LINGO2: variants seen among roughly 807,000 people sequenced by gnomAD.
LINGO2 encodes leucine rich repeat and Ig domain containing 2, also known as leucine-rich repeat and immunoglobulin-like domain-containing nogo receptor-interacting protein 2.
A neutral mutation model predicts 30.6 loss-of-function variants in LINGO2; 14 were observed. The observed-to-expected ratio is 0.46, with a 90% CI of 0.30 to 0.72. The LOEUF (loss-of-function observed/expected upper bound fraction) is 0.72, where lower values mean the gene tolerates loss of function less well. LINGO2 is among the 30% of genes least tolerant of loss of function. The pLI, the probability that LINGO2 is intolerant of heterozygous loss-of-function variation, is 0.07. For synonymous variants in LINGO2, 317 were observed against 288.5 expected (o/e 1.10, Z -1.00); for missense variants, 729 against 751.7 (o/e 0.97, Z 0.35).
At chr9:28,369,379 A>G (rs1278734184) in intron 3 of LINGO2, among the ~76,000 whole-genome samples, 1 of 151,928 alleles carries the variant, frequency 6.6e-6, no homozygotes, top group East Asian at 1.9e-4. Flanking sequence ...TTGGGGAGGG[A>G]GTAGAGATAA....
intron 3 of LINGO2, among the ~76,000 whole-genome samples, chr9:28,363,281 T>C (rs867737884): frequency 1.5e-4 from 23 of 152,282 alleles, no homozygotes; most frequent in African/African-American, 5.1e-4. Flanking sequence ...CCATGACATA[T>C]ACACATTAGT....
chr9:29,057,949 A>G, the LINGO2 span, among the ~76,000 whole-genome samples: 1 of 152,098 alleles, frequency 6.6e-6, no homozygotes, highest in East Asian at 1.9e-4. Context: ...AAAGGATCAA[A>G]CTACCTTTCA....
At chr9:29,180,512 T>C in the LINGO2 span, among the ~76,000 whole-genome samples, 1,450 of 152,224 alleles carry the variant, frequency 9.5e-3, 6 homozygotes, top group Non-Finnish European at 0.013. Flanking sequence ...CAAAACACCA[T>C]ATAAATCCTA....
the LINGO2 span, among the ~76,000 whole-genome samples, chr9:28,748,969 T>C: frequency 2.2e-4 from 33 of 152,192 alleles, no homozygotes; most frequent in South Asian, 6.2e-3. Flanking sequence ...AATCATATTA[T>C]GGTTATAATT....
chr9:28,136,984 C>T (rs1827535143), intron 4 of LINGO2, among the ~76,000 whole-genome samples: 1 of 152,036 alleles, frequency 6.6e-6, no homozygotes, highest in Admixed American at 6.6e-5. Context: ...TTGGTCTTCT[C>T]CTGCCTTCAG....
chr9:29,026,817 C>CT, the LINGO2 span, among the ~76,000 whole-genome samples: 1 of 152,084 alleles, frequency 6.6e-6, no homozygotes, highest in Non-Finnish European at 1.5e-5. Flanking sequence ...CAGGTATCTA[C>CT]TTTTACCTTA....
the LINGO2 span, among the ~76,000 whole-genome samples, chr9:28,720,005 C>T: frequency 6.6e-6 from 1 of 151,994 alleles, no homozygotes; most frequent in South Asian, 2.1e-4. Flanking sequence ...CTTCTCTGAA[C>T]TACCGAAGCA....
chr9:28,136,925 G>A (rs1390705467), intron 4 of LINGO2, among the ~76,000 whole-genome samples: 1 of 152,186 alleles, frequency 6.6e-6, no homozygotes, highest in African/African-American at 2.4e-5. Context: ...AAAAGGCTGA[G>A]TAAGGGAGAA....
At chr9:28,850,787 C>T in the LINGO2 span, among the ~76,000 whole-genome samples, 929 of 151,968 alleles carry the variant, frequency 6.1e-3, 5 homozygotes, top group South Asian at 0.013. Flanking sequence ...TCTTTGTGCT[C>T]GTGTTTGAAT....
At chr9:28,104,266 G>GTTTTTTTT (rs74180789) in intron 4 of LINGO2, among the ~76,000 whole-genome samples, 3 of 97,468 alleles carry the variant, frequency 3.1e-5, no homozygotes, top group Non-Finnish European at 5.7e-5. Context: ...TTTTTTGTTT[G>GTTTTTTTT]TTTTTTTTTT....
At chr9:28,801,924 T>C in the LINGO2 span, among the ~76,000 whole-genome samples, 1 of 152,032 alleles carries the variant, frequency 6.6e-6, no homozygotes, top group Admixed American at 6.6e-5. Flanking sequence ...GAAAATATAG[T>C]GTGCCAAAAT....
At chr9:29,058,344 T>C in the LINGO2 span, among the ~76,000 whole-genome samples, 1 of 151,922 alleles carries the variant, frequency 6.6e-6, no homozygotes, top group Non-Finnish European at 1.5e-5. Flanking sequence ...AATTAAGTGC[T>C]GAGGAAGAAA....
At chr9:28,242,562 C>T (rs1023506760) in intron 4 of LINGO2, among the ~76,000 whole-genome samples, 5 of 152,078 alleles carry the variant, frequency 3.3e-5, no homozygotes, top group African/African-American at 1.2e-4. Context: ...AGGATATTAT[C>T]CAGGAGAACT....
intron 1 of LINGO2, among the ~76,000 whole-genome samples, chr9:28,668,360 T>C (rs528759701): frequency 3.3e-5 from 5 of 152,228 alleles, no homozygotes; most frequent in South Asian, 2.1e-4. Flanking sequence ...CTAGAGGATA[T>C]TGACCTATCA....
intron 4 of LINGO2, among the ~76,000 whole-genome samples, chr9:28,074,318 G>C (rs967289026): frequency 6.6e-6 from 1 of 152,146 alleles, no homozygotes; most frequent in African/African-American, 2.4e-5. Context: ...TGTAATGATA[G>C]TGTAAATCCA....
chr9:28,997,553 GTGGCTCATGCC>G, the LINGO2 span, among the ~76,000 whole-genome samples: 3 of 152,198 alleles, frequency 2.0e-5, no homozygotes, highest in African/African-American at 7.2e-5. Flanking sequence ...GCCGGGTGCA[GTGGCTCATGCC>G]TGTAATCCCA....
chr9:28,628,748 A>G (rs1826799752), intron 1 of LINGO2, among the ~76,000 whole-genome samples: 1 of 152,100 alleles, frequency 6.6e-6, no homozygotes, highest in African/African-American at 2.4e-5. Context: ...ATTTCTGTAC[A>G]ATAAAGTTTG....
chr9:28,313,929 A>T (rs10126010), intron 3 of LINGO2, among the ~76,000 whole-genome samples: 189 of 151,976 alleles, frequency 1.2e-3, no homozygotes, highest in African/African-American at 4.3e-3. Flanking sequence ...GTGACCAGTG[A>T]GAATTGATTT....
chr9:28,072,329 C>T (rs1825503655), intron 4 of LINGO2, among the ~76,000 whole-genome samples: 1 of 152,160 alleles, frequency 6.6e-6, no homozygotes, highest in Admixed American at 6.5e-5. Context: ...GGGGTGTTCC[C>T]AAGAGGTGAC....
Sources: gnomAD v4.1 joint callset for allele counts (sites outside exome capture counted in the v4.1 genomes callset) on GRCh38, gnomAD v4.1.1 for gene constraint, MANE v1.5 for transcripts, NCBI Gene and HGNC (gene_info 2026-07-23, HGNC 2026-07-21) for gene names.